The following PTPN3 variants were observed in gnomAD, a reference collection of about 807,000 sequenced individuals.
PTPN3 encodes tyrosine-protein phosphatase non-receptor type 3.
PTPN3 carries 96 observed loss-of-function variants against 132.7 expected under a neutral mutation model. The ratio of observed to expected loss-of-function variants is 0.72; its 90% confidence interval spans 0.61 to 0.86. The LOEUF is 0.86. Among genes scored for constraint, PTPN3 ranks in the 40% least tolerant of loss-of-function variants. PTPN3 has a pLI of 0.00. For missense variants in PTPN3, 1,125 were observed against 1,159.6 expected (o/e 0.97, Z 0.43); for synonymous variants, 398 against 429.0 (o/e 0.93, Z 0.89).
intron 6 of PTPN3, among the ~76,000 whole-genome samples, chr9:109,447,936 A>T (rs1441124666): frequency 6.6e-6 from 1 of 152,062 alleles, no homozygotes; most frequent in East Asian, 1.9e-4. Flanking sequence ...TCCAAGTGGG[A>T]CTGTCGGGGG....
At chr9:109,499,788 C>G (rs117533884), upstream of PTPN3, among the ~76,000 whole-genome samples, 9,566 of 152,244 alleles carry the variant, frequency 0.063, 459 homozygotes, top group East Asian at 0.23. Flanking sequence ...GGGTGCCGCC[C>G]GTGCATCGCG....
chr9:109,415,060 ATCCG>A lies in PTPN3; in HGVS notation c.1314-4649_1314-4646del, dbSNP rs1231921718. Reference sequence around the variant, plus strand: ...CGTCCGTCCGTCCGTCCATCCGTCCATCCGTCCGTCCATCCAACCATCCATCCAT... The same window carrying A: ...CGTCCGTCCGTCCGTCCATCCGTCCATCCGTCCATCCAACCATCCATCCAT... On this transcript the variant is annotated intron_variant, in intron 14 of 25. Coordinates refer to ENST00000374541, the MANE Select transcript of PTPN3 (RefSeq NM_002829.4). Among the ~76,000 whole-genome samples, 344 of 44,798 alleles carry A rather than the reference ATCCG, an allele frequency of 7.7e-3. 1 individual carries two copies. Among genetic ancestry groups the A allele is most frequent in the East Asian group, 0.026 (41 of 1,564 alleles). The allele number at this position is 44,798 out of a possible 152,430, so 29.4% of individuals were successfully genotyped here.
At chr9:109,450,199 C>A (rs985585120) in intron 5 of PTPN3, 2 of 985,212 alleles carry the variant, frequency 2.0e-6, no homozygotes, top group African/African-American at 1.7e-5. Context: ...GTATTGAACA[C>A]CTGGCCTTGA....
intron 14 of PTPN3, among the ~76,000 whole-genome samples, chr9:109,412,681 A>T (rs939158141): frequency 6.6e-6 from 1 of 150,516 alleles, no homozygotes. Context: ...CCTTTTAAAA[A>T]TTTTTTGTAG....
intron 6 of PTPN3, among the ~76,000 whole-genome samples, chr9:109,447,835 A>G (rs1192027271): frequency 6.6e-6 from 1 of 152,090 alleles, no homozygotes; most frequent in Non-Finnish European, 1.5e-5. Flanking sequence ...AACCTTCAAC[A>G]GTTCTCTTCT....
chr9:109,512,819 T>A, the PTPN3 span, among the ~76,000 whole-genome samples: 1 of 152,204 alleles, frequency 6.6e-6, no homozygotes, highest in Non-Finnish European at 1.5e-5. Context: ...CATTTCTTAT[T>A]CCTGCACATG....
chr9:109,530,583 G>A, the PTPN3 span, among the ~76,000 whole-genome samples: 2 of 152,152 alleles, frequency 1.3e-5, no homozygotes, highest in African/African-American at 4.8e-5. Flanking sequence ...AACCAAAAGT[G>A]GAATTGTTGG....
At chr9:109,497,848 G>T (rs1326799233) in intron 1 of PTPN3, among the ~76,000 whole-genome samples, 9 of 151,716 alleles carry the variant, frequency 5.9e-5, no homozygotes, top group Non-Finnish European at 1.3e-4. Flanking sequence ...CCGAGCCGGG[G>T]TCGCGGCGGC....
At chr9:109,411,242 C>G (rs1251023806) in intron 14 of PTPN3, among the ~76,000 whole-genome samples, 1 of 152,148 alleles carries the variant, frequency 6.6e-6, no homozygotes, top group Admixed American at 6.5e-5. Context: ...TGTTCTAACT[C>G]CCAGTTCACA....
intron 10 of PTPN3, 112 bp from the exon 11 acceptor site, chr9:109,428,796 T>C: frequency 6.8e-7 from 1 of 1,461,288 alleles, no homozygotes; most frequent in Non-Finnish European, 9.0e-7. Context: ...GTGGGGGCTC[T>C]TGGCTGCCTA....
chr9:109,494,012 TGCAG>T (rs1481512821), intron 1 of PTPN3, among the ~76,000 whole-genome samples: 5 of 152,246 alleles, frequency 3.3e-5, no homozygotes, highest in African/African-American at 7.2e-5. Flanking sequence ...GAGGCATCCC[TGCAG>T]AAGTTACTCC....
chr9:109,474,940 A>G (rs1020610681), intron 1 of PTPN3, among the ~76,000 whole-genome samples: 4 of 152,164 alleles, frequency 2.6e-5, no homozygotes, highest in African/African-American at 9.7e-5. Context: ...AGGTTGTTTT[A>G]ATCACTGGAG....
At chr9:109,505,608 A>G in the PTPN3 span, among the ~76,000 whole-genome samples, 1 of 152,062 alleles carries the variant, frequency 6.6e-6, no homozygotes, top group Non-Finnish European at 1.5e-5. Flanking sequence ...CCAAAGTTTT[A>G]TTAACTTCTG....
chr9:109,413,639 G>A (rs961837904), intron 14 of PTPN3, among the ~76,000 whole-genome samples: 8 of 152,198 alleles, frequency 5.3e-5, no homozygotes, highest in Non-Finnish European at 1.0e-4. Context: ...CCAATGACAA[G>A]GGGGAGGAAG....
chr9:109,399,479 G>A (rs1840881966), intron 19 of PTPN3, among the ~76,000 whole-genome samples: 1 of 152,166 alleles, frequency 6.6e-6, no homozygotes. Flanking sequence ...GTACTGTTGT[G>A]AGAGTTAACA....
chr9:109,502,646 A>G (rs576388777), upstream of PTPN3, among the ~76,000 whole-genome samples: 1 of 152,248 alleles, frequency 6.6e-6, no homozygotes, highest in Non-Finnish European at 1.5e-5. Context: ...TAAGAAAAAA[A>G]TTAGCTGGAT....
intron 12 of PTPN3, among the ~76,000 whole-genome samples, chr9:109,425,229 C>T (rs1161185737): frequency 6.6e-6 from 1 of 152,162 alleles, no homozygotes; most frequent in African/African-American, 2.4e-5. Context: ...CTGATACTAA[C>T]AGAAATTAGC....
chr9:109,493,157 C>T lies in PTPN3; in HGVS notation c.-18+5062G>A, dbSNP rs1263344327. Among the ~76,000 whole-genome samples, 7 of 152,302 alleles carry T rather than the reference C, an allele frequency of 4.6e-5. No homozygotes were observed. In the South Asian group the frequency reaches 1.2e-3, roughly 27 times the overall value. ...GTGGTTCACGCCTGTGATTCCAGCA[C>T]TTTGAGAGGCTGAGGCAGGAAGATC... On this transcript the variant is annotated intron_variant, in intron 1 of 25. Transcript: ENST00000374541.
At chr9:109,520,285 T>C in the PTPN3 span, among the ~76,000 whole-genome samples, 1 of 152,080 alleles carries the variant, frequency 6.6e-6, no homozygotes, top group Non-Finnish European at 1.5e-5. Context: ...AATTTCAGAT[T>C]AGGAAGAAAG....
Sources: allele counts gnomAD v4.1 joint callset (sites outside exome capture counted in the v4.1 genomes callset), GRCh38; gene constraint gnomAD v4.1.1; transcripts MANE v1.5; gene names NCBI Gene and HGNC (gene_info 2026-07-23, HGNC 2026-07-21).